Variants in SLC24A1 observed in about 807,000 individuals in gnomAD.
SLC24A1 encodes the protein sodium/potassium/calcium exchanger 1.
In SLC24A1, 52 loss-of-function variants were observed where a neutral mutation model predicts 88.1. The observed-to-expected ratio is 0.59, with a 90% confidence interval of 0.47 to 0.74. The LOEUF (loss-of-function observed/expected upper bound fraction) is 0.74. Ranked by LOEUF, SLC24A1 falls within the 30% of genes least tolerant of loss-of-function variation. The pLI is 0.00. For missense variants in SLC24A1, 1,173 were observed against 1,363.3 expected, an observed-to-expected ratio of 0.86 and a Z score of 2.20; for synonymous variants, 455 against 498.0, an observed-to-expected ratio of 0.91 and a Z score of 1.15.
intron 5 of SLC24A1, 129 bp downstream of exon 5, chr15:65,644,642 G>C: frequency 3.1e-6 from 2 of 644,512 alleles, no homozygotes; most frequent in South Asian, 3.7e-5. Flanking sequence ...CTGTGAGCCA[G>C]TCAGTTAGAG....
At chr15:65,641,060 CAAAT>C (rs768767979) in intron 4 of SLC24A1, among the ~76,000 whole-genome samples, 1 of 151,104 alleles carries the variant, frequency 6.6e-6, no homozygotes, top group South Asian at 2.1e-4. Flanking sequence ...GACTCCACCT[CAAAT>C]AAATAAATAA....
chr15:65,625,948 T>G lies in SLC24A1; in HGVS notation c.1868T>G (p.Met623Arg), dbSNP rs185763221. Residue 623 changes from methionine to arginine, a missense_variant, in exon 2 of 10, where the codon ATG becomes AGG. Physicochemically the swap from Met to Arg is moderately conservative, Grantham distance 91 (BLOSUM62 -1). Coordinates refer to ENST00000261892, the MANE Select transcript of SLC24A1 (RefSeq NM_004727.3). ...AGCAGGAGGCCAGTGGCCAAGGTCA[T>G]GGCCTTAGAAGACCTCAGCAAGGTA... is the stretch of plus-strand genomic sequence containing the variant. Reference protein sequence around the residue: ...QLSRRPVAKVMALEDLSKPGD... With the variant: ...QLSRRPVAKVRALEDLSKPGD... The G allele has an allele frequency of 1.2e-5, 20 of 1,613,858 alleles. No homozygotes were observed. The East Asian group carries it at 1.8e-4, about 14-fold the overall frequency.
chr15:65,613,428 A>C (rs2074034052), intron 2 of SLC24A1, among the ~76,000 whole-genome samples: 1 of 151,924 alleles, frequency 6.6e-6, no homozygotes, highest in Non-Finnish European at 1.5e-5. Context: ...TGGAAATGAA[A>C]TTTCATGACT....
chr15:65,627,484 C>A (rs1330823144), intron 2 of SLC24A1, among the ~76,000 whole-genome samples: 1 of 152,202 alleles, frequency 6.6e-6, no homozygotes, highest in Admixed American at 6.5e-5. Flanking sequence ...GAACAGGAAC[C>A]CAGTCTCCTA....
At position 65,651,668 on chromosome 15, in the gene SLC24A1, A is replaced by G; in HGVS notation, c.2794-2A>G. 1 of 1,545,662 alleles carries G rather than the reference A, an allele frequency of 6.5e-7. No individual in the cohort carries two copies. Among genetic ancestry groups the G allele is most frequent in the African/African-American group, 1.4e-5 (1 of 73,702 alleles). On this transcript the variant is annotated splice_acceptor_variant, in intron 7 of 9. Coordinates refer to ENST00000261892, the MANE Select transcript of SLC24A1 (RefSeq NM_004727.3). LOFTEE classifies it high-confidence loss of function. ...TCTTGTCCTTTTCAAACTTTCAAACAGGAGTCTAGGAAGTTTTTTGTTTTC... is the reference window on the plus strand; with the variant it reads ...TCTTGTCCTTTTCAAACTTTCAAACGGGAGTCTAGGAAGTTTTTTGTTTTC...
chr15:65,617,089 GT>G (rs1250721397), upstream of SLC24A1, among the ~76,000 whole-genome samples: 1 of 152,172 alleles, frequency 6.6e-6, no homozygotes, highest in African/African-American at 2.4e-5. Flanking sequence ...CTATATATCT[GT>G]TTTGGTACCA....
At position 65,625,448 on chromosome 15, in the gene SLC24A1, C is replaced by T; in HGVS notation, c.1368C>T (p.Val456=). The T allele has an allele frequency of 6.2e-7, 1 of 1,614,018 alleles. No homozygotes were observed. The highest frequency in any genetic ancestry group is 8.5e-7 in the Non-Finnish European group (1 of 1,179,896). ...AGGAGCGGCGGCAGGGCTGGGTGGT[C>T]CTGCACGTTTTTGGCATGATGTATG... is the stretch of plus-strand genomic sequence containing the variant. ...SVEERRQGWV[V]LHVFGMMYVF... Residue 456 remains valine (V), a synonymous_variant, in exon 2 of 10, where the codon GTC becomes GTT. Transcript: ENST00000261892.
At chr15:65,629,271 C>G (rs2074626076) in intron 2 of SLC24A1, among the ~76,000 whole-genome samples, 2 of 152,098 alleles carry the variant, frequency 1.3e-5, no homozygotes, top group Admixed American at 1.3e-4. Context: ...TATCTAGAAT[C>G]AGGATAATGG....
chr15:65,632,707 T>C (rs1156432096), intron 2 of SLC24A1, among the ~76,000 whole-genome samples: 1 of 152,236 alleles, frequency 6.6e-6, no homozygotes, highest in Non-Finnish European at 1.5e-5. Flanking sequence ...AGGTCTGGCA[T>C]ATGGTGATAA....
intron 6 of SLC24A1, among the ~76,000 whole-genome samples, chr15:65,649,828 A>T (rs997701362): frequency 3.9e-5 from 6 of 152,240 alleles, no homozygotes; most frequent in African/African-American, 1.4e-4. Flanking sequence ...CATATTAAGC[A>T]ACATTAATGG....
Position 65,644,877 on chromosome 15 carries a change from T to A in SLC24A1, c.2140+364T>A, listed in dbSNP as rs1029835985. 2.6e-5 allele frequency among the ~76,000 whole-genome samples: 4 copies of A among 152,312 alleles called. No homozygotes were observed. In the South Asian group the frequency reaches 8.3e-4, roughly 32 times the overall value. On this transcript the variant is annotated intron_variant, in intron 5 of 9. Coordinates refer to ENST00000261892, the MANE Select transcript of SLC24A1 (RefSeq NM_004727.3). ...TGGGACTTTATTTCTTCTTCCTGTC[T>A]CTTCTGTACAAGGACAGTGTTGCTA...
chr15:65,634,931 T>C (rs959003421), intron 2 of SLC24A1, among the ~76,000 whole-genome samples: 1 of 152,050 alleles, frequency 6.6e-6, no homozygotes, highest in Non-Finnish European at 1.5e-5. Context: ...TACAATAATA[T>C]GAGTGTTGTC....
At chr15:65,627,425 A>G (rs1432170627) in intron 2 of SLC24A1, among the ~76,000 whole-genome samples, 1 of 152,248 alleles carries the variant, frequency 6.6e-6, no homozygotes, top group Non-Finnish European at 1.5e-5. Flanking sequence ...ATGATCCAAA[A>G]AAGGAAATAT....
chr15:65,650,615 A>T lies in SLC24A1; in HGVS notation c.2466A>T (p.Lys822Asn). The part of the protein sequence containing the change: ...GEIHAEDGEM[K>N]GNEGETESQE... ...TCCACGCAGAAGATGGTGAAATGAA[A>T]GGTAATGAAGGTGAAACTGAAAGCC... The change falls in exon 7 of 10, where the codon AAA (lysine) becomes AAT (asparagine). Residue 822 changes from lysine to asparagine, a missense_variant. Lys to Asn is a moderately conservative substitution (Grantham distance 94, BLOSUM62 0). Coordinates refer to ENST00000261892, the MANE Select transcript of SLC24A1 (RefSeq NM_004727.3). This position sits in a 1 kb window ranked among gnomAD's most constrained non-coding sequence, Gnocchi z 4.1. 2 of 1,551,308 alleles carry T rather than the reference A, an allele frequency of 1.3e-6. No individual in the cohort carries two copies. Among genetic ancestry groups the T allele is most frequent in the Non-Finnish European group, 1.7e-6 (2 of 1,146,624 alleles).
chr15:65,629,528 ACT>A (rs1023590201), intron 2 of SLC24A1, among the ~76,000 whole-genome samples: 1 of 152,192 alleles, frequency 6.6e-6, no homozygotes, highest in African/African-American at 2.4e-5. Flanking sequence ...ACACAGTCTA[ACT>A]CTGAACACAG....
intron 2 of SLC24A1, among the ~76,000 whole-genome samples, chr15:65,616,576 GT>G (rs2074152273): frequency 1.3e-5 from 2 of 152,110 alleles, no homozygotes; most frequent in Admixed American, 1.3e-4. Context: ...TGTTGGGGTT[GT>G]TTTTTTCTTG....
chr15:65,637,691 A>G (rs1388137682), intron 2 of SLC24A1, among the ~76,000 whole-genome samples: 1 of 152,202 alleles, frequency 6.6e-6, no homozygotes, highest in Non-Finnish European at 1.5e-5. Context: ...CCACAAATAA[A>G]TTGGGGAAAG....
intron 6 of SLC24A1, among the ~76,000 whole-genome samples, chr15:65,649,609 A>C (rs928648246): frequency 1.3e-5 from 2 of 152,220 alleles, no homozygotes; most frequent in African/African-American, 4.8e-5. Flanking sequence ...TAAGATGGGC[A>C]TAGTTTTATC....
chr15:65,643,142 C>A, intron 4 of SLC24A1: 1 of 718,560 alleles, frequency 1.4e-6, no homozygotes, highest in Non-Finnish European at 2.1e-6. Flanking sequence ...AATTCATTTA[C>A]TTTGTCACCA....
Sources: allele counts gnomAD v4.1 joint callset (sites outside exome capture counted in the v4.1 genomes callset), GRCh38; gene constraint gnomAD v4.1.1; non-coding constraint Gnocchi (gnomAD v3.1); transcripts MANE v1.5; gene names NCBI Gene and HGNC (gene_info 2026-07-23, HGNC 2026-07-21).